DLC1: variants seen among roughly 807,000 people sequenced by gnomAD.
DLC1 encodes rho GTPase-activating protein 7.
Under a neutral mutation model 140.3 loss-of-function variants are expected in DLC1, and 54 were observed. The ratio of observed to expected loss-of-function variants is 0.38; its 90% CI spans 0.31 to 0.48. DLC1 has a LOEUF of 0.48. Among genes scored for constraint, DLC1 ranks in the 20% least tolerant of loss-of-function variants. DLC1 has a pLI of 0.96. For missense variants in DLC1, 2,536 were observed against 1,907.0 expected (o/e 1.33, Z -6.14); for synonymous variants, 986 against 728.1 (o/e 1.35, Z -5.70).
chr8:13,195,542 T>G (rs1035066276), intron 5 of DLC1, among the ~76,000 whole-genome samples: 1 of 152,200 alleles, frequency 6.6e-6, no homozygotes, highest in African/African-American at 2.4e-5. Flanking sequence ...GGAAAGGAGA[T>G]TCAGAGAAAA....
At chr8:13,344,078 A>G (rs1834200428) in intron 4 of DLC1, among the ~76,000 whole-genome samples, 1 of 152,138 alleles carries the variant, frequency 6.6e-6, no homozygotes, top group Non-Finnish European at 1.5e-5. Context: ...TGTCCTACAA[A>G]CTATTCATTT....
At chr8:13,350,460 A>C (rs530981138) in intron 4 of DLC1, among the ~76,000 whole-genome samples, 1 of 152,194 alleles carries the variant, frequency 6.6e-6, no homozygotes, top group African/African-American at 2.4e-5. Flanking sequence ...TCACGTCTGT[A>C]ATCTCAGCAC....
chr8:13,152,853 A>G (rs1209698882), intron 5 of DLC1, among the ~76,000 whole-genome samples: 4 of 138,782 alleles, frequency 2.9e-5, no homozygotes, highest in African/African-American at 1.0e-4. Flanking sequence ...ACCAACCATA[A>G]CTTGGTCAAT....
At chr8:13,165,825 T>C (rs939957393) in intron 5 of DLC1, among the ~76,000 whole-genome samples, 4 of 152,272 alleles carry the variant, frequency 2.6e-5, no homozygotes, top group African/African-American at 9.6e-5. Context: ...ATGGCTTCCT[T>C]GGGTCAGTTT....
At chr8:13,242,104 C>T (rs1453148021) in intron 5 of DLC1, among the ~76,000 whole-genome samples, 5 of 152,248 alleles carry the variant, frequency 3.3e-5, no homozygotes, top group East Asian at 1.9e-4. Flanking sequence ...ATATTACCAT[C>T]GTTACACTGC....
intron 4 of DLC1, among the ~76,000 whole-genome samples, chr8:13,321,241 T>C (rs1833094632): frequency 6.6e-6 from 1 of 152,122 alleles, no homozygotes; most frequent in Non-Finnish European, 1.5e-5. Context: ...TATTAAGTGA[T>C]TCAAAAATGA....
At chr8:13,143,596 C>A (rs1220665299) in intron 5 of DLC1, among the ~76,000 whole-genome samples, 1 of 150,296 alleles carries the variant, frequency 6.7e-6, no homozygotes, top group East Asian at 2.0e-4. Flanking sequence ...GCTAGAATTA[C>A]AGGTGTGCAC....
chr8:13,434,366 T>C (rs547637828), intron 2 of DLC1, among the ~76,000 whole-genome samples: 2 of 152,360 alleles, frequency 1.3e-5, no homozygotes, highest in African/African-American at 4.8e-5. Context: ...ATATGCAGTA[T>C]GAAGAAAACC....
At chr8:13,276,937 G>C (rs1336311042) in intron 5 of DLC1, 7 of 152,336 alleles carry the variant, frequency 4.6e-5, no homozygotes, top group Admixed American at 1.3e-4. Flanking sequence ...CGGTTGATGA[G>C]ATAGGAAGTT....
intron 5 of DLC1, among the ~76,000 whole-genome samples, chr8:13,152,567 T>C (rs1823902046): frequency 6.6e-6 from 1 of 152,104 alleles, no homozygotes. Context: ...TTTTTAAAAA[T>C]GAATGTTGTA....
intron 5 of DLC1, among the ~76,000 whole-genome samples, chr8:13,237,240 T>C (rs551533582): frequency 0.074 from 9,643 of 130,934 alleles, 356 homozygotes; most frequent in African/African-American, 0.093. Context: ...TATATATATA[T>C]ACACACACAC....
intron 2 of DLC1, among the ~76,000 whole-genome samples, chr8:13,497,000 C>T (rs1801545037): frequency 6.6e-6 from 1 of 151,780 alleles, no homozygotes; most frequent in Non-Finnish European, 1.5e-5. Flanking sequence ...CAGGGTTTCA[C>T]CATGTTAGCC....
chr8:13,586,810 G>A (rs1477928293), intron 1 of DLC1, among the ~76,000 whole-genome samples: 1 of 152,006 alleles, frequency 6.6e-6, no homozygotes, highest in Non-Finnish European at 1.5e-5. Flanking sequence ...AGTTTGAAGT[G>A]CCTATAGATA....
At chr8:13,105,008 G>C (rs1819439342) in intron 7 of DLC1, among the ~76,000 whole-genome samples, 1 of 152,142 alleles carries the variant, frequency 6.6e-6, no homozygotes, top group South Asian at 2.1e-4. Context: ...TTAGTCTTAG[G>C]TCTGGGTTCC....
At chr8:13,319,940 A>G (rs1266426493) in intron 4 of DLC1, among the ~76,000 whole-genome samples, 1 of 146,976 alleles carries the variant, frequency 6.8e-6, no homozygotes, top group Non-Finnish European at 1.5e-5. Context: ...GTCCTGTCTC[A>G]GCCTCCCAAG....
chr8:13,505,116 T>A (rs1801996815), intron 1 of DLC1, among the ~76,000 whole-genome samples: 2 of 152,056 alleles, frequency 1.3e-5, no homozygotes, highest in African/African-American at 4.8e-5. Context: ...ACAGGAAAAA[T>A]AGTTTTACAA....
chr8:13,351,964 C>T (rs1834692509), intron 4 of DLC1, among the ~76,000 whole-genome samples: 1 of 152,194 alleles, frequency 6.6e-6, no homozygotes, highest in Non-Finnish European at 1.5e-5. Flanking sequence ...GAACTGCTGA[C>T]CTCAGGTGAT....
rs916301215 is a variant in DLC1 at position 13,084,888 on chromosome 8, T to G, written c.*923A>C. 6.6e-6 allele frequency: 1 copy of G among 152,228 alleles called. No individual in the cohort carries two copies. Among genetic ancestry groups the G allele is most frequent in the African/African-American group, 2.4e-5 (1 of 41,472 alleles). 9.4% of individuals were successfully genotyped at this position (152,228 alleles called of 1,614,324 possible). A position where few individuals can be genotyped will look rare whatever the true frequency, so the allele number is the denominator to read the frequency against. The stretch of plus-strand genomic sequence containing the variant: ...GCAAAGAATTCTAACAGGGAAAAAG[T>G]GTTGATGCTTGATTTAAGAGTAAGT... On this transcript the variant is annotated 3_prime_UTR_variant, in exon 18 of 18. Coordinates refer to ENST00000276297, the MANE Select transcript of DLC1 (RefSeq NM_182643.3).
chr8:13,511,593 CTGTT>C (rs1292465403), intron 1 of DLC1, among the ~76,000 whole-genome samples: 4 of 152,136 alleles, frequency 2.6e-5, no homozygotes, highest in Non-Finnish European at 4.4e-5. Context: ...CTCTGTAACT[CTGTT>C]TGGTCTATGT....
Sources: gnomAD v4.1 joint callset for allele counts (sites outside exome capture counted in the v4.1 genomes callset) on GRCh38, gnomAD v4.1.1 for gene constraint, MANE v1.5 for transcripts, NCBI Gene and HGNC (gene_info 2026-07-23, HGNC 2026-07-21) for gene names.